Variants in TMEM108 observed in about 807,000 individuals in gnomAD.
The protein encoded by TMEM108 is cancer/testis antigen 124.
TMEM108 carries 12 observed loss-of-function variants against 35.1 expected under a neutral mutation model. That is an observed-to-expected ratio of 0.34 (90% CI 0.22 to 0.55). TMEM108 has a LOEUF of 0.55. Among genes scored for constraint, TMEM108 ranks in the 20% least tolerant of loss-of-function variants. TMEM108 has a pLI of 0.89. For missense variants in TMEM108, 680 were observed against 753.3 expected, an observed-to-expected ratio of 0.90 and a Z score of 1.14; for synonymous variants, 287 against 308.6, an observed-to-expected ratio of 0.93 and a Z score of 0.73.
intron 2 of TMEM108, among the ~76,000 whole-genome samples, chr3:133,048,291 A>G (rs1368785102): frequency 6.6e-6 from 1 of 152,212 alleles, no homozygotes; most frequent in Non-Finnish European, 1.5e-5. Context: ...TTTGCAGACA[A>G]TACAGTAAAG....
At chr3:133,100,960 A>G (rs1944079747) in intron 2 of TMEM108, among the ~76,000 whole-genome samples, 1 of 152,200 alleles carries the variant, frequency 6.6e-6, no homozygotes, top group African/African-American at 2.4e-5. Flanking sequence ...GATTTTTAGA[A>G]TTGAAATTGT....
intron 2 of TMEM108, among the ~76,000 whole-genome samples, chr3:133,057,573 G>T (rs1211112608): frequency 6.6e-6 from 1 of 150,462 alleles, no homozygotes; most frequent in African/African-American, 2.5e-5. Context: ...GGGTTCTTCT[G>T]CATTCTTTGG....
chr3:133,164,482 G>A (rs1945007518), intron 2 of TMEM108, among the ~76,000 whole-genome samples: 1 of 152,194 alleles, frequency 6.6e-6, no homozygotes, highest in African/African-American at 2.4e-5. Flanking sequence ...GGAATGGCAG[G>A]AGACAGTGCG....
intron 3 of TMEM108, among the ~76,000 whole-genome samples, chr3:133,363,000 T>C: frequency 6.6e-6 from 1 of 152,134 alleles, no homozygotes; most frequent in Non-Finnish European, 1.5e-5. Flanking sequence ...AAGCAGCATC[T>C]AAAGGAGCCA....
intron 2 of TMEM108, among the ~76,000 whole-genome samples, chr3:133,115,471 G>A (rs1559836892): frequency 6.6e-6 from 1 of 152,164 alleles, no homozygotes; most frequent in Non-Finnish European, 1.5e-5. Context: ...GGAAACTGAG[G>A]TTCAAAGAGG....
At chr3:133,290,252 G>C (rs1375166866) in intron 3 of TMEM108, among the ~76,000 whole-genome samples, 1 of 152,120 alleles carries the variant, frequency 6.6e-6, no homozygotes, top group African/African-American at 2.4e-5. Flanking sequence ...AGAGGTGAGA[G>C]AACTATCAAC....
intron 2 of TMEM108, among the ~76,000 whole-genome samples, chr3:133,151,171 C>G (rs773157354): frequency 2.6e-5 from 4 of 152,006 alleles, no homozygotes; most frequent in Non-Finnish European, 4.4e-5. Flanking sequence ...AGCATTGATC[C>G]TCTCCTGACA....
chr3:133,269,448 A>C (rs949496556), intron 3 of TMEM108, among the ~76,000 whole-genome samples: 7 of 152,156 alleles, frequency 4.6e-5, no homozygotes, highest in Non-Finnish European at 1.0e-4. Context: ...CGTTGTCCCT[A>C]CTACTAATCA....
chr3:133,385,981 C>T lies in TMEM108; in HGVS notation c.1451-4199C>T, dbSNP rs75759819. 1.1e-3 allele frequency among the ~76,000 whole-genome samples: 164 copies of T among 152,332 alleles called. 1 individual carries two copies. The highest frequency in any genetic ancestry group is 3.8e-3 in the African/African-American group (156 of 41,568). ...GCAGAGGAAGCCCCAGACTGCAGTGCAGGCCTGACCCCCATGAAAGGAGAG... is the reference window on the plus strand; with the variant it reads ...GCAGAGGAAGCCCCAGACTGCAGTGTAGGCCTGACCCCCATGAAAGGAGAG... On this transcript the variant is annotated intron_variant, in intron 4 of 5. Transcript: ENST00000321871.
chr3:133,346,749 A>G lies in TMEM108; in HGVS notation c.41-33003A>G, dbSNP rs1447292131. On this transcript the variant is annotated intron_variant, in intron 3 of 5. Coordinates refer to ENST00000321871, the MANE Select transcript of TMEM108 (RefSeq NM_023943.4). The surrounding 1 kb of genome is among the most constrained non-coding windows in gnomAD (Gnocchi z 4.0). ...AGTCACCTAAATTTTCTCCTATGTT[A>G]TCTTCTACAAGTTCTATAGTTTTGC... Among the ~76,000 whole-genome samples, 1 of 152,040 alleles carries G rather than the reference A, an allele frequency of 6.6e-6. No individual in the cohort carries two copies. Among genetic ancestry groups the G allele is most frequent in the East Asian group, 1.9e-4 (1 of 5,192 alleles).
chr3:133,342,996 A>G (rs1400444363), intron 3 of TMEM108, among the ~76,000 whole-genome samples: 2 of 151,816 alleles, frequency 1.3e-5, no homozygotes, highest in African/African-American at 4.8e-5. Context: ...CACATTGTAT[A>G]CATGTATTGA....
intron 3 of TMEM108, among the ~76,000 whole-genome samples, chr3:133,323,801 C>T (rs1436554822): frequency 1.3e-5 from 2 of 152,182 alleles, no homozygotes; most frequent in Non-Finnish European, 2.9e-5. Flanking sequence ...GTTACCAAAA[C>T]AGCATGGTAC....
intron 2 of TMEM108, among the ~76,000 whole-genome samples, chr3:133,173,810 G>A (rs376334263): frequency 1.3e-5 from 2 of 152,204 alleles, no homozygotes; most frequent in Admixed American, 1.3e-4. Flanking sequence ...CTGAGGTACC[G>A]GGTTCATCTC....
chr3:133,392,654 C>A (rs2107863222), intron 5 of TMEM108, among the ~76,000 whole-genome samples: 1 of 152,274 alleles, frequency 6.6e-6, no homozygotes, highest in East Asian at 1.9e-4. Flanking sequence ...GCCCTCCCAA[C>A]CCCAAAACCC....
chr3:133,183,781 G>T (rs1018146647), intron 2 of TMEM108, among the ~76,000 whole-genome samples: 1 of 152,168 alleles, frequency 6.6e-6, no homozygotes, highest in African/African-American at 2.4e-5. Context: ...CATAGAGCTG[G>T]GATGCTAAGG....
At chr3:133,395,791 G>GTACAT (rs2073297035) in intron 5 of TMEM108, 73 bp from the exon 6 acceptor site, 3 of 1,418,732 alleles carry the variant, frequency 2.1e-6, no homozygotes, top group Non-Finnish European at 2.8e-6. Context: ...GTTCCCATGT[G>GTACAT]TACATTTCTT....
intron 3 of TMEM108, among the ~76,000 whole-genome samples, chr3:133,316,895 T>G (rs2107715584): frequency 6.6e-6 from 1 of 152,134 alleles, no homozygotes; most frequent in East Asian, 1.9e-4. Context: ...AGCAGGAAAA[T>G]CTGAATACCA....
At chr3:133,258,275 G>T (rs1946576323) in intron 3 of TMEM108, among the ~76,000 whole-genome samples, 1 of 152,160 alleles carries the variant, frequency 6.6e-6, no homozygotes, top group Non-Finnish European at 1.5e-5. Flanking sequence ...TTGATCTTGG[G>T]CTTCTCAGCT....
At chr3:133,226,153 A>G (rs557431773) in intron 2 of TMEM108, among the ~76,000 whole-genome samples, 2 of 152,350 alleles carry the variant, frequency 1.3e-5, no homozygotes, top group African/African-American at 4.8e-5. Context: ...CCTGGAATCA[A>G]TAGAAAGGAG....
Sources: allele counts gnomAD v4.1 joint callset (sites outside exome capture counted in the v4.1 genomes callset), GRCh38; gene constraint gnomAD v4.1.1; non-coding constraint Gnocchi (gnomAD v3.1); transcripts MANE v1.5; gene names NCBI Gene and HGNC (gene_info 2026-07-23, HGNC 2026-07-21).